Variants in DOCK1 observed in about 807,000 individuals in gnomAD.
DOCK1 encodes the protein dedicator of cytokinesis 1.
Under a neutral mutation model 262.7 loss-of-function variants are expected in DOCK1, and 138 were observed. That is an observed-to-expected ratio of 0.53 (90% CI 0.46 to 0.61). DOCK1 has a LOEUF of 0.61. DOCK1 is among the 20% of genes least tolerant of loss of function. The pLI is 0.00. For synonymous variants in DOCK1, 866 were observed against 867.4 expected (o/e 1.00, Z 0.03); for missense variants, 1,908 against 2,370.7 (o/e 0.80, Z 4.05).
At chr10:127,046,827 C>G (rs1180169791) in intron 21 of DOCK1, among the ~76,000 whole-genome samples, 1 of 151,212 alleles carries the variant, frequency 6.6e-6, no homozygotes, top group East Asian at 1.9e-4. Context: ...TTAGCTCATC[C>G]ATAATTGCAG....
At chr10:127,101,971 C>G (rs1188469116) in intron 23 of DOCK1, among the ~76,000 whole-genome samples, 1 of 152,062 alleles carries the variant, frequency 6.6e-6, no homozygotes, top group Non-Finnish European at 1.5e-5. Flanking sequence ...GTTGTGGAAG[C>G]AGAACATTTG....
chr10:127,378,297 G>A (rs536629855), intron 35 of DOCK1, among the ~76,000 whole-genome samples: 13 of 152,264 alleles, frequency 8.5e-5, no homozygotes, highest in East Asian at 5.8e-4. Context: ...AGATGTCTGC[G>A]TTCTAAAAGA....
intron 39 of DOCK1, among the ~76,000 whole-genome samples, chr10:127,403,576 G>A (rs201299777): frequency 7.2e-5 from 11 of 152,166 alleles, no homozygotes; most frequent in Admixed American, 1.3e-4. Context: ...TGGCTAACAC[G>A]GTGAAACCCC....
rs780028933 is a variant in DOCK1 at position 127,175,746 on chromosome 10, G to A, written c.2847+47982G>A. 6 of 1,614,118 alleles carry A rather than the reference G, an allele frequency of 3.7e-6. No individual in the cohort carries two copies. The highest frequency in any genetic ancestry group is 1.7e-5 in the Admixed American group (1 of 60,030). On this transcript the variant is annotated intron_variant, in intron 27 of 51. Coordinates refer to ENST00000623213, the MANE Select transcript of DOCK1 (RefSeq NM_001290223.2). This position sits in a 1 kb window ranked among gnomAD's most constrained non-coding sequence, Gnocchi z 6.3. Reference sequence around the variant, plus strand: ...GAGCAGCTGGTAATCGGGCTCTTCGGATGGAGGCCGAGTGGAGTTTTGGAG... The same window carrying A: ...GAGCAGCTGGTAATCGGGCTCTTCGAATGGAGGCCGAGTGGAGTTTTGGAG...
intron 29 of DOCK1, among the ~76,000 whole-genome samples, chr10:127,273,458 C>T (rs2060637613): frequency 6.6e-6 from 1 of 152,228 alleles, no homozygotes; most frequent in Non-Finnish European, 1.5e-5. Flanking sequence ...CCCCAGTGTC[C>T]CTTGGACTAT....
Position 126,905,451 on chromosome 10 carries a change from A to G in DOCK1, c.-67A>G. The G allele has an allele frequency of 2.1e-6, 1 of 470,754 alleles. No individual in the cohort carries two copies. Among genetic ancestry groups the G allele is most frequent in the Non-Finnish European group, 3.9e-6 (1 of 254,798 alleles). 29.2% of individuals were successfully genotyped at this position (470,754 alleles called of 1,614,324 possible). A position where few individuals can be genotyped will look rare whatever the true frequency, so the allele number is the denominator to read the frequency against. On this transcript the variant is annotated 5_prime_UTR_variant, in exon 1 of 52. Transcript: ENST00000623213. Reference sequence around the variant, plus strand: ...TCCTCCCCATCCTGTCGCGGCTCGAAAGGAATGGAAAATGGCGGCCTAGAC... The same window carrying G: ...TCCTCCCCATCCTGTCGCGGCTCGAGAGGAATGGAAAATGGCGGCCTAGAC...
At chr10:127,410,327 G>C (rs561853374) in intron 42 of DOCK1, among the ~76,000 whole-genome samples, 2 of 152,246 alleles carry the variant, frequency 1.3e-5, no homozygotes, top group Admixed American at 1.3e-4. Context: ...AAGCCTGCCT[G>C]CATTTCAGTG....
At chr10:127,006,104 A>G (rs2040996537) in intron 10 of DOCK1, among the ~76,000 whole-genome samples, 1 of 152,176 alleles carries the variant, frequency 6.6e-6, no homozygotes, top group Non-Finnish European at 1.5e-5. Context: ...GGCTTGAAGC[A>G]TCCCACCTGT....
intron 29 of DOCK1, among the ~76,000 whole-genome samples, chr10:127,311,635 C>T (rs2062065805): frequency 6.6e-6 from 1 of 152,158 alleles, no homozygotes; most frequent in Non-Finnish European, 1.5e-5. Flanking sequence ...CAGGGATACT[C>T]AGCCTGTTGT....
At chr10:126,939,669 C>G (rs879107390) in intron 1 of DOCK1, among the ~76,000 whole-genome samples, 2,740 of 152,236 alleles carry the variant, frequency 0.018, 34 homozygotes, top group African/African-American at 0.028. Context: ...CCCAAAATAC[C>G]TATTTTAGAA....
intron 27 of DOCK1, among the ~76,000 whole-genome samples, chr10:127,162,207 G>A (rs950926026): frequency 3.9e-5 from 6 of 152,134 alleles, no homozygotes; most frequent in African/African-American, 9.7e-5. Flanking sequence ...TTCTGGGGAA[G>A]GGCAAATACT....
Position 127,362,060 on chromosome 10 carries a change from C to G in DOCK1, c.3284-4C>G. 1 of 1,590,896 alleles carries G rather than the reference C, an allele frequency of 6.3e-7. No homozygotes were observed. The highest frequency in any genetic ancestry group is 8.5e-7 in the Non-Finnish European group (1 of 1,172,306). ...TTCTGAATATTGTACCTCTTTTTTCCAAGGTCAACACAAGATAAAGTTCAT... is the reference window on the plus strand; with the variant it reads ...TTCTGAATATTGTACCTCTTTTTTCGAAGGTCAACACAAGATAAAGTTCAT... On this transcript the variant is annotated splice_region_variant and splice_polypyrimidine_tract_variant and intron_variant, in intron 32 of 51. Coordinates refer to ENST00000623213, the MANE Select transcript of DOCK1 (RefSeq NM_001290223.2).
chr10:126,956,617 T>C (rs1335360653), intron 1 of DOCK1, among the ~76,000 whole-genome samples: 1 of 152,026 alleles, frequency 6.6e-6, no homozygotes, highest in Non-Finnish European at 1.5e-5. Flanking sequence ...TCTAAGCAAA[T>C]GTTTATTGTG....
At chr10:127,209,054 C>T (rs548054703) in intron 27 of DOCK1, among the ~76,000 whole-genome samples, 198 of 152,154 alleles carry the variant, frequency 1.3e-3, no homozygotes, top group Non-Finnish European at 2.2e-3. Context: ...TGTGTTTAAC[C>T]GAAGGAAACA....
chr10:127,408,884 A>C (rs1380817192), intron 40 of DOCK1, among the ~76,000 whole-genome samples, 153 bp from the exon 41 acceptor site: 2 of 77,708 alleles, frequency 2.6e-5, no homozygotes, highest in Non-Finnish European at 6.1e-5. Flanking sequence ...AAGCCAACGC[A>C]AGTACAAAAA....
intron 16 of DOCK1, among the ~76,000 whole-genome samples, chr10:127,027,057 G>A (rs186726386): frequency 2.0e-5 from 3 of 152,352 alleles, no homozygotes; most frequent in African/African-American, 4.8e-5. Context: ...GTCTTTCAGG[G>A]TGTGTGTCTC....
chr10:126,966,423 G>A (rs1221899596), intron 1 of DOCK1, among the ~76,000 whole-genome samples: 3 of 152,194 alleles, frequency 2.0e-5, no homozygotes, highest in Non-Finnish European at 4.4e-5. Flanking sequence ...GCCCAGTGGC[G>A]GGATTGCTGG....
intron 1 of DOCK1, among the ~76,000 whole-genome samples, chr10:126,969,395 G>C (rs994210532): frequency 6.6e-6 from 1 of 152,198 alleles, no homozygotes; most frequent in Admixed American, 6.5e-5. Context: ...AGGCAGCTCA[G>C]GTTTATGGAG....
At chr10:127,110,496 G>A (rs1294110047) in intron 25 of DOCK1, 142 bp downstream of exon 25, 2 of 719,754 alleles carry the variant, frequency 2.8e-6, no homozygotes, top group African/African-American at 1.8e-5. Flanking sequence ...GGAAGATTTA[G>A]CCCTTACAAG....
Sources: allele counts gnomAD v4.1 joint callset (sites outside exome capture counted in the v4.1 genomes callset), GRCh38; gene constraint gnomAD v4.1.1; non-coding constraint Gnocchi (gnomAD v3.1); transcripts MANE v1.5; gene names NCBI Gene and HGNC (gene_info 2026-07-23, HGNC 2026-07-21).